Variants in PPARGC1A observed in about 807,000 individuals in gnomAD.
PPARGC1A encodes the protein PPARG coactivator 1 alpha, also known as peroxisome proliferator-activated receptor gamma coactivator 1-alpha.
In PPARGC1A, 25 loss-of-function variants were observed where a neutral mutation model predicts 88.7. The ratio of observed to expected loss-of-function variants is 0.28; its 90% CI spans 0.21 to 0.39. PPARGC1A has a LOEUF of 0.39. Among genes scored for constraint, PPARGC1A ranks in the 10% least tolerant of loss-of-function variants. The pLI is 1.00. For missense variants in PPARGC1A, 880 were observed against 968.7 expected, an observed-to-expected ratio of 0.91 and a Z score of 1.22; for synonymous variants, 363 against 355.6, an observed-to-expected ratio of 1.02 and a Z score of -0.24.
the PPARGC1A span, among the ~76,000 whole-genome samples, chr4:24,041,955 AC>A: frequency 6.6e-6 from 1 of 152,056 alleles, no homozygotes; most frequent in Non-Finnish European, 1.5e-5. Flanking sequence ...TGAATAATCA[AC>A]CTAAAAATAT....
chr4:24,143,606 G>T, the PPARGC1A span, among the ~76,000 whole-genome samples: 1 of 148,020 alleles, frequency 6.8e-6, no homozygotes, highest in Non-Finnish European at 1.5e-5. Context: ...TAGATGGATG[G>T]ATAGAAAGAT....
chr4:23,908,170 C>T (rs140369949), upstream of PPARGC1A, among the ~76,000 whole-genome samples: 167 of 152,188 alleles, frequency 1.1e-3, no homozygotes, highest in African/African-American at 3.6e-3. Context: ...AGAGAACGAG[C>T]GACAGTGTCT....
intron 2 of PPARGC1A, among the ~76,000 whole-genome samples, chr4:23,871,067 G>C (rs1373388788): frequency 6.6e-6 from 1 of 151,796 alleles, no homozygotes; most frequent in African/African-American, 2.4e-5. Flanking sequence ...AATTAAACAG[G>C]GCATGGCTTG....
chr4:24,227,706 T>A, the PPARGC1A span, among the ~76,000 whole-genome samples: 3 of 152,248 alleles, frequency 2.0e-5, no homozygotes, highest in East Asian at 1.9e-4. Flanking sequence ...CAACCTCAGC[T>A]CAGGCTCTGG....
chr4:23,990,332 A>G, the PPARGC1A span, among the ~76,000 whole-genome samples: 1 of 151,682 alleles, frequency 6.6e-6, no homozygotes, highest in Non-Finnish European at 1.5e-5. Flanking sequence ...TCATGCAAAT[A>G]TTGTATACAG....
the PPARGC1A span, among the ~76,000 whole-genome samples, chr4:23,998,736 A>G: frequency 6.6e-6 from 1 of 152,162 alleles, no homozygotes; most frequent in Non-Finnish European, 1.5e-5. Flanking sequence ...GGCTTTATTG[A>G]CTTCCTAGGG....
At chr4:24,049,334 G>GTA in the PPARGC1A span, among the ~76,000 whole-genome samples, 944 of 124,662 alleles carry the variant, frequency 7.6e-3, 14 homozygotes, top group African/African-American at 0.021. Flanking sequence ...GTGTGTGTGT[G>GTA]TATATATATA....
At chr4:24,071,606 C>G in the PPARGC1A span, among the ~76,000 whole-genome samples, 1 of 151,846 alleles carries the variant, frequency 6.6e-6, no homozygotes, top group Non-Finnish European at 1.5e-5. Context: ...GAATTGTATT[C>G]ACGTTAACTA....
chr4:24,398,458 T>G, the PPARGC1A span, among the ~76,000 whole-genome samples: 1 of 152,230 alleles, frequency 6.6e-6, no homozygotes, highest in Admixed American at 6.5e-5. Context: ...CTTTTAAATC[T>G]TACTAGTTTT....
chr4:24,405,280 G>A, the PPARGC1A span, among the ~76,000 whole-genome samples: 4 of 151,876 alleles, frequency 2.6e-5, no homozygotes, highest in Non-Finnish European at 5.9e-5. Context: ...GTATGAAAAG[G>A]TGGTTTTTTT....
At chr4:23,873,197 C>CGAAAA (rs1713851078) in intron 2 of PPARGC1A, among the ~76,000 whole-genome samples, 1 of 74,828 alleles carries the variant, frequency 1.3e-5, no homozygotes, top group African/African-American at 5.6e-5. Flanking sequence ...GACTCCGTCT[C>CGAAAA]AAAAATAAAA....
At chr4:23,882,198 T>C (rs1716075120) in intron 2 of PPARGC1A, 1 of 152,168 alleles carries the variant, frequency 6.6e-6, no homozygotes. Flanking sequence ...TATGGGAACT[T>C]ACCTAAACAG....
the PPARGC1A span, among the ~76,000 whole-genome samples, chr4:24,277,543 T>A: frequency 2.0e-5 from 3 of 152,100 alleles, no homozygotes; most frequent in Admixed American, 2.0e-4. Flanking sequence ...GGTATATGTA[T>A]GCAACAGAAA....
the PPARGC1A span, among the ~76,000 whole-genome samples, chr4:24,128,640 G>A: frequency 2.0e-5 from 3 of 149,740 alleles, no homozygotes; most frequent in Admixed American, 6.7e-5. Context: ...TATATGTGTG[G>A]GTGTGGCATT....
the PPARGC1A span, among the ~76,000 whole-genome samples, chr4:24,365,474 A>G: frequency 1.3e-5 from 2 of 152,148 alleles, no homozygotes; most frequent in Middle Eastern, 3.2e-3. Context: ...CTACCCAGCA[A>G]TATACAGAAA....
At chr4:23,921,859 T>G in the PPARGC1A span, among the ~76,000 whole-genome samples, 1 of 152,204 alleles carries the variant, frequency 6.6e-6, no homozygotes, top group Non-Finnish European at 1.5e-5. Flanking sequence ...ACGGAATACC[T>G]CTTCTTGGCC....
the PPARGC1A span, among the ~76,000 whole-genome samples, chr4:24,341,591 T>G: frequency 6.6e-6 from 1 of 152,168 alleles, no homozygotes; most frequent in Non-Finnish European, 1.5e-5. Context: ...GAATTCAATT[T>G]GGATTCGGTT....
At chr4:23,943,603 C>T in the PPARGC1A span, among the ~76,000 whole-genome samples, 1 of 152,104 alleles carries the variant, frequency 6.6e-6, no homozygotes, top group East Asian at 1.9e-4. Context: ...TGCAATCATG[C>T]TTCCCCCTCT....
the PPARGC1A span, among the ~76,000 whole-genome samples, chr4:24,210,778 T>C: frequency 3.3e-5 from 5 of 152,194 alleles, no homozygotes; most frequent in African/African-American, 1.2e-4. Context: ...AGTGTGTTCA[T>C]GCAAGCACTC....
Sources: gnomAD v4.1 joint callset for allele counts (sites outside exome capture counted in the v4.1 genomes callset) on GRCh38, gnomAD v4.1.1 for gene constraint, MANE v1.5 for transcripts, NCBI Gene and HGNC (gene_info 2026-07-23, HGNC 2026-07-21) for gene names.